The following PCDHGA5 variants were observed in gnomAD, a reference collection of about 807,000 sequenced individuals.
The protein encoded by PCDHGA5 is protocadherin gamma subfamily A, 5.
Under a neutral mutation model 56.7 loss-of-function variants are expected in PCDHGA5, and 36 were observed. The observed-to-expected ratio is 0.64, with a 90% CI of 0.49 to 0.84. PCDHGA5 has a LOEUF of 0.84. Among genes scored for constraint, PCDHGA5 ranks in the 40% least tolerant of loss-of-function variants. PCDHGA5 has a pLI of 0.00. For missense variants in PCDHGA5, 1,305 were observed against 1,201.5 expected, an observed-to-expected ratio of 1.09 and a Z score of -1.27; for synonymous variants, 563 against 520.2, an observed-to-expected ratio of 1.08 and a Z score of -1.12.
At chr5:141,438,633 TATAC>T (rs1373299550) in intron 1 of PCDHGA5, among the ~76,000 whole-genome samples, 3,683 of 33,472 alleles carry the variant, frequency 0.11, 56 homozygotes, top group Non-Finnish European at 0.14. Flanking sequence ...TATATATATA[TATAC>T]ACACACACAC....
chr5:141,399,950 G>A lies in PCDHGA5; in HGVS notation c.2421+33199G>A, dbSNP rs566695854. On this transcript the variant is annotated intron_variant, in intron 1 of 3. Coordinates refer to ENST00000518069, the MANE Select transcript of PCDHGA5 (RefSeq NM_018918.3). ...CTGTCCTACCACGTGCTGCAGGCTA[G>A]CGAGCCCGGGCTCTTCAGCCTGGGG... The A allele has an allele frequency of 4.3e-6, 7 of 1,612,178 alleles. No individual in the cohort carries two copies. The African/African-American group carries it at 6.7e-5, about 15-fold the overall frequency.
chr5:141,432,706 C>T lies in PCDHGA5; in HGVS notation c.2422-62101C>T, dbSNP rs761752571. ...GCCTCGTAGTGGCCGTCCAGGACCA[C>T]GGCCAGCCCCCTCTCTCCGCCACTG... On this transcript the variant is annotated intron_variant, in intron 1 of 3. Transcript: ENST00000518069. The surrounding 1 kb of genome is among the most constrained non-coding windows in gnomAD (Gnocchi z 6.0). 10 of 1,613,870 alleles carry T rather than the reference C, an allele frequency of 6.2e-6. No homozygotes were observed. The East Asian group carries it at 1.1e-4, about 18-fold the overall frequency.
Position 141,365,125 on chromosome 5 carries a change from C to T in PCDHGA5, c.795C>T (p.Thr265=). ...IPVGTRLLML[T]ATDPDEGING... ...TGGGCACTCGGCTGCTCATGCTAACCGCCACGGATCCAGATGAGGGAATAA... is the reference window on the plus strand; with the variant it reads ...TGGGCACTCGGCTGCTCATGCTAACTGCCACGGATCCAGATGAGGGAATAA... The change falls in exon 1 of 4, where the codon ACC becomes ACT. Residue 265 remains threonine, a synonymous_variant. Transcript: ENST00000518069. 1.2e-6 allele frequency: 2 copies of T among 1,613,882 alleles called. No homozygotes were observed. The highest frequency in any genetic ancestry group is 1.7e-6 in the Non-Finnish European group (2 of 1,179,868).
Position 141,393,196 on chromosome 5 carries a change from A to G in PCDHGA5, c.2421+26445A>G, listed in dbSNP as rs369051018. 9.7e-5 allele frequency: 157 copies of G among 1,613,374 alleles called. No individual in the cohort carries two copies. The highest frequency in any genetic ancestry group is 1.3e-4 in the Non-Finnish European group (149 of 1,179,898). On this transcript the variant is annotated intron_variant, in intron 1 of 3. Coordinates refer to ENST00000518069, the MANE Select transcript of PCDHGA5 (RefSeq NM_018918.3). ...GAAATAGAAATAATTGATATTAACG[A>G]TAATAACCCAAAATTCCAGGTCGAA...
chr5:141,450,006 C>CT lies in PCDHGA5; in HGVS notation c.2422-44783dup, dbSNP rs1554136305. ...CACATTGCATTTAGTTGCCATGTCT[C>CT]TTTTTTTTTTTTTTTTTTGAGACAG... On this transcript the variant is annotated intron_variant, in intron 1 of 3. Coordinates refer to ENST00000518069, the MANE Select transcript of PCDHGA5 (RefSeq NM_018918.3). Among the ~76,000 whole-genome samples the CT allele has an allele frequency of 9.8e-3, 1,304 of 132,922 alleles. 21 individuals are homozygous for CT. Among genetic ancestry groups the CT allele is most frequent in the Non-Finnish European group, 0.015 (957 of 62,878 alleles). 87.2% of individuals were successfully genotyped at this position (132,922 alleles called of 152,430 possible).
chr5:141,505,363 T>A, intron 2 of PCDHGA5, 30 bp from the exon 3 acceptor site: 1 of 1,613,360 alleles, frequency 6.2e-7, no homozygotes, highest in Non-Finnish European at 8.5e-7. Context: ...GGCCTGGGAG[T>A]CTGTGCTCAC....
rs768074414 is a variant in PCDHGA5 at position 141,477,293 on chromosome 5, C to T, written c.2422-17514C>T. 8.1e-6 allele frequency: 13 copies of T among 1,614,180 alleles called. No homozygotes were observed. The highest frequency in any genetic ancestry group is 1.1e-5 in the Non-Finnish European group (13 of 1,180,036). ...CGGGCTGGTGACCTGCGAAGTTCCA[C>T]CGGGTCTCCCTTTCAGCCTTACTTC... On this transcript the variant is annotated intron_variant, in intron 1 of 3. Coordinates refer to ENST00000518069, the MANE Select transcript of PCDHGA5 (RefSeq NM_018918.3). This position sits in a 1 kb window ranked among gnomAD's most constrained non-coding sequence, Gnocchi z 4.9.
intron 1 of PCDHGA5, chr5:141,420,156 AT>A (rs755916873): frequency 6.2e-7 from 1 of 1,613,990 alleles, no homozygotes; most frequent in African/African-American, 1.3e-5. Flanking sequence ...CCAGAATTTA[AT>A]TTTTTCACAT....
intron 1 of PCDHGA5, chr5:141,370,958 CA>C (rs1167381959): frequency 6.2e-7 from 1 of 1,613,874 alleles, no homozygotes. Context: ...ACCTGGATGG[CA>C]GTAGGTACCC....
chr5:141,374,633 A>G, intron 1 of PCDHGA5: 1 of 1,613,130 alleles, frequency 6.2e-7, no homozygotes, highest in South Asian at 1.1e-5. Flanking sequence ...GGACGTGCAA[A>G]GCGAAGCCCA....
At position 141,421,474 on chromosome 5, in the gene PCDHGA5, G is replaced by C. The variant is rs1320526226; in HGVS notation, c.2421+54723G>C. 4 of 1,614,132 alleles carry C rather than the reference G, an allele frequency of 2.5e-6. No homozygotes were observed. The African/African-American group carries it at 5.3e-5, about 21-fold the overall frequency. On this transcript the variant is annotated intron_variant, in intron 1 of 3. Coordinates refer to ENST00000518069, the MANE Select transcript of PCDHGA5 (RefSeq NM_018918.3). ...GCTTTTCGCTGTGAATCCGCGAAGCGGCAGCTTGATCACGGCAGGCAGGAT... is the reference window on the plus strand; with the variant it reads ...GCTTTTCGCTGTGAATCCGCGAAGCCGCAGCTTGATCACGGCAGGCAGGAT...
chr5:141,427,960 G>T (rs759698390), intron 1 of PCDHGA5: 2 of 1,589,168 alleles, frequency 1.3e-6, no homozygotes, highest in Non-Finnish European at 1.7e-6. Context: ...AATGTGCCGC[G>T]GGTGCTGTAC....
At chr5:141,414,846 G>A in intron 1 of PCDHGA5, 1 of 1,614,218 alleles carries the variant, frequency 6.2e-7, no homozygotes, top group African/African-American at 1.3e-5. Flanking sequence ...TGTTTGTGCT[G>A]GACCAGAACG....
At chr5:141,378,089 T>C (rs1272599640) in intron 1 of PCDHGA5, 1 of 152,254 alleles carries the variant, frequency 6.6e-6, no homozygotes, top group East Asian at 1.9e-4. Flanking sequence ...TATAACTTTT[T>C]TTCAAACTCT....
chr5:141,364,925 C>T lies in PCDHGA5; in HGVS notation c.595C>T (p.Pro199Ser). ...QKYPELVLEQ[P>S]LDREKETVHD... The stretch of plus-strand genomic sequence containing the variant: ...GTATCCGGAGCTGGTGTTGGAACAG[C>T]CCCTAGACCGCGAGAAAGAGACTGT... Residue 199 changes from proline (P) to serine (S), a missense_variant, in exon 1 of 4, where the codon CCC becomes TCC. Pro to Ser is a moderately conservative substitution (Grantham distance 74). Transcript: ENST00000518069. 1.2e-6 allele frequency: 2 copies of T among 1,613,910 alleles called. No individual in the cohort carries two copies. Among genetic ancestry groups the T allele is most frequent in the Non-Finnish European group, 8.5e-7 (1 of 1,179,874 alleles).
chr5:141,386,298 A>T (rs1459802596), intron 1 of PCDHGA5, among the ~76,000 whole-genome samples: 1 of 152,242 alleles, frequency 6.6e-6, no homozygotes, highest in African/African-American at 2.4e-5. Flanking sequence ...ACATTTTAGT[A>T]AAGCTCAGTA....
At chr5:141,413,257 T>C (rs777964429) in intron 1 of PCDHGA5, 3 of 1,613,954 alleles carry the variant, frequency 1.9e-6, no homozygotes, top group African/African-American at 1.3e-5. Flanking sequence ...CGGGATTCCA[T>C]GGGAGGCTGG....
At chr5:141,447,214 A>G (rs2098530358) in intron 1 of PCDHGA5, among the ~76,000 whole-genome samples, 1 of 152,092 alleles carries the variant, frequency 6.6e-6, no homozygotes, top group Admixed American at 6.6e-5. Context: ...ATCTCGGCTC[A>G]CTGCAACCTC....
Position 141,365,331 on chromosome 5 carries a change from T to G in PCDHGA5, c.1001T>G (p.Val334Gly). Reference sequence around the variant, plus strand: ...GCTCTTGTTGCCAGCGCTAAGGTGGTGGTCACAGTACAGGACGTGAATGAC... The same window carrying G: ...GCTCTTGTTGCCAGCGCTAAGGTGGGGGTCACAGTACAGGACGTGAATGAC... ...GGALVASAKV[V>G]VTVQDVNDNA... Residue 334 changes from valine to glycine, a missense_variant, in exon 1 of 4, where the codon GTG (valine) becomes GGG (glycine). By Grantham distance (109) the Val-to-Gly change is moderately radical (BLOSUM62 -3). Transcript: ENST00000518069. 1 of 1,613,960 alleles carries G rather than the reference T, an allele frequency of 6.2e-7. No individual in the cohort carries two copies. The highest frequency in any genetic ancestry group is 8.5e-7 in the Non-Finnish European group (1 of 1,179,890).
Sources: allele counts gnomAD v4.1 joint callset (sites outside exome capture counted in the v4.1 genomes callset), GRCh38; gene constraint gnomAD v4.1.1; non-coding constraint Gnocchi (gnomAD v3.1); transcripts MANE v1.5; gene names NCBI Gene and HGNC (gene_info 2026-07-23, HGNC 2026-07-21).